Variants in PTPRM observed in about 807,000 individuals in gnomAD.
PTPRM encodes the protein protein tyrosine phosphatase receptor type M.
PTPRM carries 47 observed loss-of-function variants against 186.7 expected under a neutral mutation model. The ratio of observed to expected loss-of-function variants is 0.25; its 90% CI spans 0.20 to 0.32. PTPRM has a LOEUF of 0.32. PTPRM is among the 10% of genes least tolerant of loss of function. The probability of loss-of-function intolerance (pLI) is 1.00; values close to 1 mark genes in which losing one functional copy is unlikely to be tolerated. For synonymous variants in PTPRM, 668 were observed against 674.9 expected, an observed-to-expected ratio of 0.99 and a Z score of 0.16; for missense variants, 1,494 against 1,865.0, an observed-to-expected ratio of 0.80 and a Z score of 3.66.
At chr18:8,313,706 C>T (rs2095286504) in intron 20 of PTPRM, among the ~76,000 whole-genome samples, 1 of 151,954 alleles carries the variant, frequency 6.6e-6, no homozygotes, top group Non-Finnish European at 1.5e-5. Flanking sequence ...GCAGTGTACA[C>T]GGTACCCAGT....
intron 20 of PTPRM, among the ~76,000 whole-genome samples, chr18:8,299,125 G>T (rs1415069661): frequency 6.6e-6 from 1 of 152,060 alleles, no homozygotes; most frequent in African/African-American, 2.4e-5. Flanking sequence ...AACCTCCAGA[G>T]ATCCTGCCCA....
intron 11 of PTPRM, among the ~76,000 whole-genome samples, chr18:8,104,140 T>G (rs2091414751): frequency 6.6e-6 from 1 of 152,142 alleles, no homozygotes; most frequent in Non-Finnish European, 1.5e-5. Context: ...CACAGAGACA[T>G]GAAGTAAGTG....
At chr18:7,681,247 C>G (rs2039473778) in intron 1 of PTPRM, among the ~76,000 whole-genome samples, 1 of 151,960 alleles carries the variant, frequency 6.6e-6, no homozygotes, top group Admixed American at 6.6e-5. Context: ...ATTTTATCAA[C>G]TGTTATGCAT....
At chr18:7,868,214 G>T (rs529970141) in intron 2 of PTPRM, among the ~76,000 whole-genome samples, 1 of 152,220 alleles carries the variant, frequency 6.6e-6, no homozygotes, top group South Asian at 2.1e-4. Flanking sequence ...CAAACTCATT[G>T]TCTGTCGAAG....
At chr18:8,395,422 A>C (rs1367780525) in intron 32 of PTPRM, among the ~76,000 whole-genome samples, 6 of 152,206 alleles carry the variant, frequency 3.9e-5, no homozygotes, top group Non-Finnish European at 8.8e-5. Context: ...GTTGAGAGTC[A>C]AGCTGAATTT....
At chr18:8,245,291 G>GC (rs775811013) in intron 15 of PTPRM, among the ~76,000 whole-genome samples, 2 of 152,228 alleles carry the variant, frequency 1.3e-5, no homozygotes, top group East Asian at 3.9e-4. Flanking sequence ...GCTTGTAGCG[G>GC]CTGCAGTTGT....
At chr18:7,769,507 C>A (rs1340974126) in intron 1 of PTPRM, among the ~76,000 whole-genome samples, 1 of 152,064 alleles carries the variant, frequency 6.6e-6, no homozygotes, top group Non-Finnish European at 1.5e-5. Context: ...GCACTGGCTA[C>A]CCCAAAACTC....
At position 7,735,043 on chromosome 18, in the gene PTPRM, A is replaced by G. The variant is rs373908502; in HGVS notation, c.74-39106A>G. 2.6e-5 allele frequency among the ~76,000 whole-genome samples: 4 copies of G among 152,300 alleles called. No individual in the cohort carries two copies. The East Asian group carries it at 5.8e-4, about 22-fold the overall frequency. On this transcript the variant is annotated intron_variant, in intron 1 of 32. Transcript: ENST00000580170. ...ACCTGAAAAACTAGTTCAGGTCATGAAAGGAAGTGGGGACCAGGCATGCCT... is the reference window on the plus strand; with the variant it reads ...ACCTGAAAAACTAGTTCAGGTCATGGAAGGAAGTGGGGACCAGGCATGCCT...
intron 1 of PTPRM, among the ~76,000 whole-genome samples, chr18:7,660,927 C>T (rs1025180888): frequency 1.3e-5 from 2 of 151,644 alleles, no homozygotes; most frequent in Admixed American, 6.6e-5. Context: ...TACGAGATCA[C>T]GCCATTGCAC....
At chr18:7,913,258 GT>G (rs1250525725) in intron 4 of PTPRM, among the ~76,000 whole-genome samples, 1 of 81,910 alleles carries the variant, frequency 1.2e-5, no homozygotes, top group Non-Finnish European at 2.2e-5. Flanking sequence ...AGGATTTTCT[GT>G]ATGCAAAATT....
At chr18:8,191,275 G>A (rs924810928) in intron 14 of PTPRM, among the ~76,000 whole-genome samples, 10 of 152,134 alleles carry the variant, frequency 6.6e-5, no homozygotes, top group Non-Finnish European at 1.3e-4. Context: ...TTGATACTTA[G>A]TTTAAGGCAG....
At chr18:7,949,089 A>G in intron 5 of PTPRM, 92 bp from the exon 6 acceptor site, 2 of 1,259,318 alleles carry the variant, frequency 1.6e-6, no homozygotes, top group Non-Finnish European at 2.2e-6. Flanking sequence ...CTGCATGAAA[A>G]CAGCATGGAT....
intron 22 of PTPRM, among the ~76,000 whole-genome samples, chr18:8,336,319 G>C (rs558849471): frequency 6.6e-6 from 1 of 152,266 alleles, no homozygotes; most frequent in South Asian, 2.1e-4. Flanking sequence ...AGCACTTTGA[G>C]ATGATGAGGC....
intron 19 of PTPRM, among the ~76,000 whole-genome samples, chr18:8,267,098 C>A (rs976507637): frequency 1.3e-5 from 2 of 151,946 alleles, no homozygotes; most frequent in East Asian, 1.9e-4. Context: ...AAATACGCAG[C>A]GTATGTTTTT....
At chr18:8,139,472 G>T (rs2092713832) in intron 13 of PTPRM, among the ~76,000 whole-genome samples, 1 of 152,164 alleles carries the variant, frequency 6.6e-6, no homozygotes, top group South Asian at 2.1e-4. Context: ...ACACACGGCT[G>T]CCGGGATAGT....
chr18:8,373,862 G>A (rs906667917), intron 24 of PTPRM, among the ~76,000 whole-genome samples: 4 of 150,940 alleles, frequency 2.7e-5, no homozygotes, highest in South Asian at 2.1e-4. Context: ...TGCAGCCTGG[G>A]CAACAGAATG....
At chr18:8,325,940 C>T (rs1200045500) in intron 22 of PTPRM, among the ~76,000 whole-genome samples, 1 of 152,158 alleles carries the variant, frequency 6.6e-6, no homozygotes, top group Non-Finnish European at 1.5e-5. Flanking sequence ...TGATGTTGAG[C>T]ATTTTTTCAT....
At chr18:7,812,051 A>G (rs532132053) in intron 2 of PTPRM, among the ~76,000 whole-genome samples, 118 of 152,304 alleles carry the variant, frequency 7.7e-4, no homozygotes, top group Non-Finnish European at 1.4e-3. Context: ...CTGATTCTTA[A>G]TCAAGAAAAA....
intron 23 of PTPRM, among the ~76,000 whole-genome samples, chr18:8,353,662 A>G (rs1305843727): frequency 1.3e-5 from 2 of 152,074 alleles, no homozygotes; most frequent in East Asian, 3.9e-4. Flanking sequence ...CACACCCCCA[A>G]ATAAAAGTAG....
Sources: allele counts gnomAD v4.1 joint callset (sites outside exome capture counted in the v4.1 genomes callset), GRCh38; gene constraint gnomAD v4.1.1; transcripts MANE v1.5; gene names NCBI Gene and HGNC (gene_info 2026-07-23, HGNC 2026-07-21).